Variants in LINGO2 observed in about 807,000 individuals in gnomAD.
LINGO2 encodes leucine rich repeat and Ig domain containing 2, also known as leucine-rich repeat and immunoglobulin-like domain-containing nogo receptor-interacting protein 2.
LINGO2 carries 14 observed loss-of-function variants against 30.6 expected under a neutral mutation model. The ratio of observed to expected loss-of-function variants is 0.46; its 90% CI spans 0.30 to 0.72. LINGO2 has a LOEUF of 0.72. LINGO2 is among the 30% of genes least tolerant of loss of function. The pLI is 0.07. For synonymous variants in LINGO2, 317 were observed against 288.5 expected, an observed-to-expected ratio of 1.10 and a Z score of -1.00; for missense variants, 729 against 751.7, an observed-to-expected ratio of 0.97 and a Z score of 0.35.
chr9:28,958,026 A>T, the LINGO2 span, among the ~76,000 whole-genome samples: 1 of 152,162 alleles, frequency 6.6e-6, no homozygotes, highest in Non-Finnish European at 1.5e-5. Flanking sequence ...TTAATGGCAA[A>T]TCTTGTGATC....
At chr9:28,280,937 C>T (rs1407426745) in intron 4 of LINGO2, among the ~76,000 whole-genome samples, 1 of 152,160 alleles carries the variant, frequency 6.6e-6, no homozygotes. Context: ...TATGTAGCAA[C>T]AACCCTAACA....
intron 4 of LINGO2, among the ~76,000 whole-genome samples, chr9:28,287,794 G>A (rs979282768): frequency 2.6e-5 from 4 of 152,138 alleles, no homozygotes; most frequent in South Asian, 2.1e-4. Flanking sequence ...TTGTGTGTGC[G>A]TGTGTGTGCG....
chr9:28,308,190 G>A (rs1224721853), intron 3 of LINGO2, among the ~76,000 whole-genome samples: 62 of 124,286 alleles, frequency 5.0e-4, no homozygotes, highest in South Asian at 8.6e-4. Context: ...ATACTACAAG[G>A]CTACAGTAAC....
the LINGO2 span, among the ~76,000 whole-genome samples, chr9:28,822,944 A>G: frequency 6.6e-6 from 1 of 152,196 alleles, no homozygotes; most frequent in Non-Finnish European, 1.5e-5. Flanking sequence ...AATAAAAAAT[A>G]TACTTTTTTA....
At chr9:28,403,956 GTC>G (rs1179933993) in intron 2 of LINGO2, among the ~76,000 whole-genome samples, 5 of 151,850 alleles carry the variant, frequency 3.3e-5, no homozygotes, top group Non-Finnish European at 1.5e-5. Flanking sequence ...GATTAATTTA[GTC>G]TCTCTGCTTT....
At chr9:29,189,002 C>A in the LINGO2 span, among the ~76,000 whole-genome samples, 12 of 139,220 alleles carry the variant, frequency 8.6e-5, no homozygotes, top group African/African-American at 3.5e-4. Flanking sequence ...GCTGGCCGGG[C>A]GGGGGGCTGA....
intron 2 of LINGO2, among the ~76,000 whole-genome samples, chr9:28,460,901 A>T (rs975450681): frequency 6.6e-6 from 1 of 152,116 alleles, no homozygotes; most frequent in African/African-American, 2.4e-5. Context: ...TAGACTAAAA[A>T]TGTCTAGAAA....
At chr9:27,968,688 A>C (rs1164120393) in intron 5 of LINGO2, among the ~76,000 whole-genome samples, 1 of 152,048 alleles carries the variant, frequency 6.6e-6, no homozygotes, top group African/African-American at 2.4e-5. Context: ...GTCCTTCAAA[A>C]TTCAATCATA....
Position 28,187,015 on chromosome 9 carries a change from A to G in LINGO2, c.-87+108193T>C, listed in dbSNP as rs180687349. 1.9e-3 allele frequency among the ~76,000 whole-genome samples: 285 copies of G among 152,284 alleles called. 2 individuals are homozygous for G. Among genetic ancestry groups the G allele is most frequent in the African/African-American group, 6.6e-3 (276 of 41,574 alleles). On this transcript the variant is annotated intron_variant, in intron 4 of 5. Transcript: ENST00000379992. ...TAAACAAGACACCTCTGACTACAGT[A>G]GTGGGGACAGATTGAAGGAAATCGA... is the stretch of plus-strand genomic sequence containing the variant.
chr9:28,526,507 C>T lies in LINGO2; in HGVS notation c.-364-50482G>A, dbSNP rs1821045334. The stretch of plus-strand genomic sequence containing the variant: ...TTCCAAAATGTTAACCATAGACCTA[C>T]CCTATGATAGCAAGATAAGTGAAAA... On this transcript the variant is annotated intron_variant, in intron 1 of 5. Transcript: ENST00000379992. Among the ~76,000 whole-genome samples the T allele has an allele frequency of 1.3e-5, 2 of 152,196 alleles. 1 individual carries two copies.
chr9:29,159,173 T>C, the LINGO2 span, among the ~76,000 whole-genome samples: 1 of 152,132 alleles, frequency 6.6e-6, no homozygotes, highest in South Asian at 2.1e-4. Flanking sequence ...ACAAAAAAGA[T>C]GGACTGGAAC....
chr9:28,991,019 G>C, the LINGO2 span, among the ~76,000 whole-genome samples: 1 of 152,236 alleles, frequency 6.6e-6, no homozygotes, highest in Admixed American at 6.5e-5. Flanking sequence ...GATGGAGAAT[G>C]ACTTTGATGA....
chr9:28,794,581 T>C, the LINGO2 span, among the ~76,000 whole-genome samples: 6 of 152,202 alleles, frequency 3.9e-5, no homozygotes, highest in Non-Finnish European at 8.8e-5. Context: ...CTGCTCTTTC[T>C]AGTCATTAAC....
the LINGO2 span, among the ~76,000 whole-genome samples, chr9:29,171,362 AT>A: frequency 1.3e-5 from 2 of 152,110 alleles, no homozygotes; most frequent in South Asian, 4.1e-4. Flanking sequence ...ATTCAGAGAC[AT>A]TTAAAGTCTT....
At chr9:28,185,512 T>C (rs929387477) in intron 4 of LINGO2, among the ~76,000 whole-genome samples, 14 of 152,176 alleles carry the variant, frequency 9.2e-5, no homozygotes, top group Non-Finnish European at 1.8e-4. Context: ...ATGTCATAAA[T>C]GGCTCTGAGA....
chr9:28,894,706 A>G, the LINGO2 span, among the ~76,000 whole-genome samples: 1 of 151,980 alleles, frequency 6.6e-6, no homozygotes, highest in South Asian at 2.1e-4. Flanking sequence ...TGTAAAATAT[A>G]ATTTCCCTTT....
the LINGO2 span, among the ~76,000 whole-genome samples, chr9:28,796,340 T>C: frequency 6.6e-6 from 1 of 152,126 alleles, no homozygotes; most frequent in Admixed American, 6.5e-5. Flanking sequence ...TTTGAATATA[T>C]GTGACCTATA....
At chr9:28,139,776 A>T (rs1827622743) in intron 4 of LINGO2, among the ~76,000 whole-genome samples, 1 of 152,234 alleles carries the variant, frequency 6.6e-6, no homozygotes. Flanking sequence ...GAATACTACA[A>T]ATATAAGCAT....
the LINGO2 span, among the ~76,000 whole-genome samples, chr9:29,115,217 A>C: frequency 6.6e-6 from 1 of 152,192 alleles, no homozygotes; most frequent in Non-Finnish European, 1.5e-5. Context: ...GAAAAATATT[A>C]TCTAACTTGC....
Sources: gnomAD v4.1 joint callset for allele counts (sites outside exome capture counted in the v4.1 genomes callset) on GRCh38, gnomAD v4.1.1 for gene constraint, MANE v1.5 for transcripts, NCBI Gene and HGNC (gene_info 2026-07-23, HGNC 2026-07-21) for gene names.